CNTLN: variants seen among roughly 807,000 people sequenced by gnomAD.
The protein encoded by CNTLN is centlein, centrosomal protein.
In CNTLN, 212 loss-of-function variants were observed where a neutral mutation model predicts 180.0. The observed-to-expected ratio is 1.18, with a 90% CI of 1.05 to 1.32. The LOEUF is 1.32. Ranked by LOEUF, CNTLN falls within the 40% of genes most tolerant of loss-of-function variation. The pLI is 0.00. For missense variants in CNTLN, 2,095 were observed against 1,610.9 expected (o/e 1.30, Z -5.14); for synonymous variants, 722 against 563.1 (o/e 1.28, Z -3.99).
At position 17,143,041 on chromosome 9, in the gene CNTLN, A is replaced by G. The variant is rs535765116; in HGVS notation, c.361-247A>G. Among the ~76,000 whole-genome samples, 5 of 152,344 alleles carry G rather than the reference A, an allele frequency of 3.3e-5. No homozygotes were observed. In the South Asian group the frequency reaches 8.3e-4, roughly 25 times the overall value. Reference sequence around the variant, plus strand: ...GTTTCCTTTTAGAGCAAGTTTAACTAGATATTTAGCATTTCAACAGTTGCA... The same window carrying G: ...GTTTCCTTTTAGAGCAAGTTTAACTGGATATTTAGCATTTCAACAGTTGCA... On this transcript the variant is annotated intron_variant, in intron 1 of 25. Transcript: ENST00000380647.
intron 8 of CNTLN, among the ~76,000 whole-genome samples, chr9:17,309,506 T>A (rs1818977601): frequency 1.3e-5 from 2 of 152,214 alleles, no homozygotes; most frequent in South Asian, 4.1e-4. Flanking sequence ...ATTTGGCTGA[T>A]ATACATTATT....
chr9:17,293,660 C>T (rs572751451), intron 6 of CNTLN, among the ~76,000 whole-genome samples: 92 of 152,330 alleles, frequency 6.0e-4, no homozygotes, highest in African/African-American at 2.1e-3. Context: ...ACTGGAGCTG[C>T]AGTGATGGCT....
chr9:17,250,937 C>T (rs1826101995), intron 5 of CNTLN, among the ~76,000 whole-genome samples: 1 of 152,044 alleles, frequency 6.6e-6, no homozygotes, highest in South Asian at 2.1e-4. Context: ...TGTAGTGCAT[C>T]TGAAGTGGTA....
intron 23 of CNTLN, among the ~76,000 whole-genome samples, chr9:17,476,536 A>G (rs1832358004): frequency 6.6e-6 from 1 of 152,238 alleles, no homozygotes; most frequent in African/African-American, 2.4e-5. Flanking sequence ...TGAAGGAAGT[A>G]AAAAAATGCT....
At chr9:17,243,209 G>A (rs1825601285) in intron 5 of CNTLN, among the ~76,000 whole-genome samples, 1 of 151,694 alleles carries the variant, frequency 6.6e-6, no homozygotes, top group African/African-American at 2.4e-5. Context: ...ATTTATTTGG[G>A]TTTCTTTTTT....
At chr9:17,445,755 G>T (rs906478553) in intron 18 of CNTLN, among the ~76,000 whole-genome samples, 1 of 152,088 alleles carries the variant, frequency 6.6e-6, no homozygotes, top group Non-Finnish European at 1.5e-5. Context: ...GGAAAGACCT[G>T]ACCATCCCCC....
chr9:17,171,921 G>A (rs1039572235), intron 2 of CNTLN, among the ~76,000 whole-genome samples: 1 of 152,126 alleles, frequency 6.6e-6, no homozygotes. Context: ...TGGAGCCAGG[G>A]TCCATAGTGC....
chr9:17,175,815 C>T (rs1820684822), intron 2 of CNTLN, among the ~76,000 whole-genome samples: 2 of 152,060 alleles, frequency 1.3e-5, no homozygotes, highest in Admixed American at 1.3e-4. Flanking sequence ...TAGTTTTCAG[C>T]ATGCAAGTCC....
chr9:17,401,214 A>C (rs1826946936), intron 15 of CNTLN, among the ~76,000 whole-genome samples: 1 of 152,120 alleles, frequency 6.6e-6, no homozygotes, highest in Non-Finnish European at 1.5e-5. Flanking sequence ...AAAGTAGTAG[A>C]GTTCCTTTCA....
intron 2 of CNTLN, among the ~76,000 whole-genome samples, chr9:17,198,756 G>A (rs898793309): frequency 4.1e-5 from 6 of 147,344 alleles, no homozygotes; most frequent in African/African-American, 1.0e-4. Flanking sequence ...TTCAACTCCC[G>A]CTTATGAGTG....
At chr9:17,197,191 A>G (rs1314661665) in intron 2 of CNTLN, among the ~76,000 whole-genome samples, 1 of 152,230 alleles carries the variant, frequency 6.6e-6, no homozygotes, top group African/African-American at 2.4e-5. Context: ...CAGTCAGTAT[A>G]TGGAAAATGG....
chr9:17,401,920 C>CTAG (rs148165812), intron 15 of CNTLN, among the ~76,000 whole-genome samples: 2 of 151,086 alleles, frequency 1.3e-5, no homozygotes, highest in Non-Finnish European at 2.9e-5. Flanking sequence ...AGGTAAAGGA[C>CTAG]TAATATCCAG....
At chr9:17,197,606 T>G (rs553005578) in intron 2 of CNTLN, among the ~76,000 whole-genome samples, 1 of 152,192 alleles carries the variant, frequency 6.6e-6, no homozygotes, top group Non-Finnish European at 1.5e-5. Flanking sequence ...CCTATACAGT[T>G]GTTTGAGTTT....
chr9:17,179,764 G>T (rs1821003370), intron 2 of CNTLN, among the ~76,000 whole-genome samples: 1 of 152,120 alleles, frequency 6.6e-6, no homozygotes, highest in Non-Finnish European at 1.5e-5. Context: ...GAGGCATTTT[G>T]AAGTTGCCAA....
chr9:17,208,074 A>G (rs1823048739), intron 2 of CNTLN, among the ~76,000 whole-genome samples: 1 of 152,142 alleles, frequency 6.6e-6, no homozygotes, highest in East Asian at 1.9e-4. Context: ...CAGTTTTTCC[A>G]CATTCAATAT....
the CNTLN span, among the ~76,000 whole-genome samples, chr9:17,514,541 T>A: frequency 6.6e-6 from 1 of 151,984 alleles, no homozygotes; most frequent in African/African-American, 2.4e-5. Flanking sequence ...AATAACAAAA[T>A]CAGATAAAAA....
At chr9:17,409,123 A>G (rs1476342587) in intron 15 of CNTLN, among the ~76,000 whole-genome samples, 170 bp from the exon 16 acceptor site, 1 of 152,198 alleles carries the variant, frequency 6.6e-6, no homozygotes, top group Admixed American at 6.5e-5. Flanking sequence ...ATTTTGTACA[A>G]TATATTTAGA....
At chr9:17,453,736 G>A (rs763845668) in intron 18 of CNTLN, among the ~76,000 whole-genome samples, 17 of 152,302 alleles carry the variant, frequency 1.1e-4, no homozygotes, top group African/African-American at 3.1e-4. Context: ...ACTGAGGTCC[G>A]TGGCTTGCTG....
chr9:17,173,295 C>T (rs1337517571), intron 2 of CNTLN, among the ~76,000 whole-genome samples: 1 of 152,122 alleles, frequency 6.6e-6, no homozygotes. Flanking sequence ...TTAGGGTATA[C>T]ATTTTCTTAA....
Sources: allele counts gnomAD v4.1 joint callset (sites outside exome capture counted in the v4.1 genomes callset), GRCh38; gene constraint gnomAD v4.1.1; transcripts MANE v1.5; gene names NCBI Gene and HGNC (gene_info 2026-07-23, HGNC 2026-07-21).